The following NCAM2 variants were observed in gnomAD, a reference collection of about 807,000 sequenced individuals.
The protein encoded by NCAM2 is neural cell adhesion molecule 2.
Under a neutral mutation model 98.1 loss-of-function variants are expected in NCAM2, and 30 were observed. The ratio of observed to expected loss-of-function variants is 0.31; its 90% CI spans 0.23 to 0.41. The LOEUF is 0.41. NCAM2 is among the 10% of genes least tolerant of loss of function. NCAM2 has a pLI of 1.00. For missense variants in NCAM2, 867 were observed against 1,005.8 expected, an observed-to-expected ratio of 0.86 and a Z score of 1.87; for synonymous variants, 368 against 342.4, an observed-to-expected ratio of 1.07 and a Z score of -0.83.
At chr21:21,457,717 T>C (rs1982364079) in intron 12 of NCAM2, among the ~76,000 whole-genome samples, 1 of 152,002 alleles carries the variant, frequency 6.6e-6, no homozygotes, top group Non-Finnish European at 1.5e-5. Flanking sequence ...TTACAACTTG[T>C]GTGTGATGGA....
In NCAM2 at chr21:21,292,571, AATT is replaced by A. The variant is rs932545844; in HGVS notation, c.619+334_619+336del. ...CTAAATGTTACTTTTAAATTACATG[AATT>A]ATTTTTGCTTAAATTTACATATTTT... On this transcript the variant is annotated intron_variant, in intron 5 of 17. Coordinates refer to ENST00000400546, the MANE Select transcript of NCAM2 (RefSeq NM_004540.5). 1.4e-3 allele frequency among the ~76,000 whole-genome samples: 208 copies of A among 152,098 alleles called. 1 individual carries two copies. The highest frequency in any genetic ancestry group is 1.0e-3 in the Non-Finnish European group (69 of 67,958).
chr21:21,369,726 A>T (rs1272008923), intron 8 of NCAM2, among the ~76,000 whole-genome samples: 1 of 151,638 alleles, frequency 6.6e-6, no homozygotes, highest in Non-Finnish European at 1.5e-5. Context: ...TCATGATCTT[A>T]TTGGTCTTTC....
chr21:21,185,164 A>T (rs1031781308), intron 1 of NCAM2, among the ~76,000 whole-genome samples: 1 of 152,132 alleles, frequency 6.6e-6, no homozygotes, highest in Non-Finnish European at 1.5e-5. Context: ...TCTTACAAAA[A>T]CCGATATTCA....
intron 1 of NCAM2, among the ~76,000 whole-genome samples, chr21:21,074,826 T>TTGA (rs10681535): frequency 0.32 from 47,853 of 151,846 alleles, 8,128 homozygotes; most frequent in African/African-American, 0.43. Context: ...CATGTCTCTG[T>TTGA]TGATGGTGGT....
chr21:21,018,115 G>A (rs996731341), intron 1 of NCAM2, among the ~76,000 whole-genome samples: 8 of 152,058 alleles, frequency 5.3e-5, no homozygotes, highest in Non-Finnish European at 1.0e-4. Context: ...TTCACACTTC[G>A]TATAACTGAA....
chr21:21,360,639 A>G (rs2075620863), intron 8 of NCAM2, among the ~76,000 whole-genome samples: 1 of 151,606 alleles, frequency 6.6e-6, no homozygotes, highest in African/African-American at 2.4e-5. Context: ...CTTATATTTT[A>G]CTGTCTATTA....
At chr21:21,270,781 C>A (rs4816851) in intron 1 of NCAM2, among the ~76,000 whole-genome samples, 126,343 of 151,952 alleles carry the variant, frequency 0.83, 52,820 homozygotes, top group East Asian at 0.99. Flanking sequence ...CATGCTTGAC[C>A]TTTGGGAGAT....
intron 1 of NCAM2, among the ~76,000 whole-genome samples, chr21:21,261,022 A>G (rs1486269679): frequency 2.0e-5 from 3 of 152,172 alleles, no homozygotes; most frequent in African/African-American, 7.2e-5. Flanking sequence ...ATGTCACACA[A>G]ATGTAAAACA....
chr21:21,167,372 A>G (rs1253209937), intron 1 of NCAM2, among the ~76,000 whole-genome samples: 1 of 152,104 alleles, frequency 6.6e-6, no homozygotes, highest in Non-Finnish European at 1.5e-5. Context: ...TTTAGTTTGA[A>G]TAGCATAAAA....
chr21:21,314,542 T>TA (rs2074159010), intron 5 of NCAM2, among the ~76,000 whole-genome samples: 1 of 152,142 alleles, frequency 6.6e-6, no homozygotes, highest in Admixed American at 6.6e-5. Context: ...TACATACACA[T>TA]ATGTACACGT....
intron 11 of NCAM2, among the ~76,000 whole-genome samples, chr21:21,430,155 A>C (rs867351154): frequency 2.0e-5 from 3 of 151,736 alleles, no homozygotes; most frequent in Non-Finnish European, 4.4e-5. Flanking sequence ...CAGCCTCCCA[A>C]GCAGCTGGAA....
intron 1 of NCAM2, among the ~76,000 whole-genome samples, chr21:21,028,889 TTATG>T (rs1319594326): frequency 5.9e-5 from 9 of 152,324 alleles, no homozygotes; most frequent in African/African-American, 1.9e-4. Context: ...CATTTAAAAA[TTATG>T]TAAGCTATCA....
chr21:21,496,130 C>A (rs1004407724), intron 15 of NCAM2, among the ~76,000 whole-genome samples: 1 of 151,444 alleles, frequency 6.6e-6, no homozygotes, highest in Non-Finnish European at 1.5e-5. Context: ...CAGGTAGATA[C>A]CTGGTAATTG....
intron 12 of NCAM2, among the ~76,000 whole-genome samples, chr21:21,460,499 T>C (rs965813082): frequency 7.9e-5 from 12 of 151,932 alleles, no homozygotes; most frequent in African/African-American, 2.9e-4. Context: ...AAAAGTAAAA[T>C]TTGTTTTCAA....
intron 5 of NCAM2, among the ~76,000 whole-genome samples, chr21:21,306,844 CT>C (rs1331270560): frequency 1.2e-4 from 18 of 152,006 alleles, no homozygotes; most frequent in African/African-American, 4.3e-4. Context: ...CCCCAACCCC[CT>C]ACTACAATTC....
chr21:21,237,979 G>A (rs1291372090), intron 1 of NCAM2, among the ~76,000 whole-genome samples: 9 of 108,864 alleles, frequency 8.3e-5, no homozygotes, highest in Non-Finnish European at 1.2e-4. Flanking sequence ...TTTTTGAGAC[G>A]GAGTCTCGCT....
At chr21:21,083,668 G>T (rs938336728) in intron 1 of NCAM2, among the ~76,000 whole-genome samples, 1 of 151,972 alleles carries the variant, frequency 6.6e-6, no homozygotes, top group African/African-American at 2.4e-5. Flanking sequence ...GCCCACCCCG[G>T]CATCCCAAAT....
chr21:21,523,979 A>G (rs768022497), intron 16 of NCAM2, among the ~76,000 whole-genome samples: 9 of 152,012 alleles, frequency 5.9e-5, no homozygotes, highest in South Asian at 2.1e-4. Flanking sequence ...AAATAGCTCA[A>G]TTGAAAGGTA....
intron 16 of NCAM2, among the ~76,000 whole-genome samples, chr21:21,525,836 C>A (rs1989291857): frequency 6.6e-6 from 1 of 152,048 alleles, no homozygotes; most frequent in Admixed American, 6.6e-5. Context: ...CCCAGGTATG[C>A]AAGTCTGGTT....
Sources: gnomAD v4.1 joint callset for allele counts (sites outside exome capture counted in the v4.1 genomes callset) on GRCh38, gnomAD v4.1.1 for gene constraint, MANE v1.5 for transcripts, NCBI Gene and HGNC (gene_info 2026-07-23, HGNC 2026-07-21) for gene names.